The following GPAT3 variants were observed in gnomAD, a reference collection of about 807,000 sequenced individuals.
The protein encoded by GPAT3 is 1-AGP acyltransferase 9.
Under a neutral mutation model 58.8 loss-of-function variants are expected in GPAT3, and 53 were observed. That is an observed-to-expected ratio of 0.90 (90% CI 0.72 to 1.13). The LOEUF is 1.13. GPAT3 is among the 50% of genes most tolerant of loss of function. The pLI is 0.00. For synonymous variants in GPAT3, 197 were observed against 187.4 expected, an observed-to-expected ratio of 1.05 and a Z score of -0.42; for missense variants, 511 against 527.6, an observed-to-expected ratio of 0.97 and a Z score of 0.31.
chr4:83,586,399 A>G (rs17006894), intron 3 of GPAT3, among the ~76,000 whole-genome samples: 5,077 of 152,230 alleles, frequency 0.033, 290 homozygotes, highest in African/African-American at 0.12. Flanking sequence ...CAGTCTGCTT[A>G]TTGAATACCT....
chr4:83,550,533 C>T lies in GPAT3; in HGVS notation c.208+5931C>T, dbSNP rs148983833. ...TTGCCATGCTTGATTCATTTATCAA[C>T]GCTCTCATTTTTTTGGTAAAGTTTT... On this transcript the variant is annotated intron_variant, in intron 2 of 11. Coordinates refer to ENST00000264409, the MANE Select transcript of GPAT3 (RefSeq NM_032717.5). 1.1e-3 allele frequency among the ~76,000 whole-genome samples: 164 copies of T among 152,258 alleles called. 4 individuals carry two copies. The highest frequency in any genetic ancestry group is 9.1e-3 in the Admixed American group (139 of 15,292).
At chr4:83,596,299 T>C (rs1056170329) in intron 7 of GPAT3, among the ~76,000 whole-genome samples, 64 of 152,084 alleles carry the variant, frequency 4.2e-4, no homozygotes, top group African/African-American at 1.5e-3. Context: ...TAATATTCTC[T>C]TTTAAGAATA....
upstream of GPAT3, chr4:83,536,056 G>T (rs1459359311): frequency 1.0e-6 from 1 of 985,300 alleles, no homozygotes; most frequent in African/African-American, 1.7e-5. Flanking sequence ...GACGGAGGAG[G>T]TGGGGCGAGG....
At chr4:83,578,955 TC>T (rs1578185718) in intron 2 of GPAT3, among the ~76,000 whole-genome samples, 9 of 88,812 alleles carry the variant, frequency 1.0e-4, no homozygotes, top group East Asian at 4.0e-4. Flanking sequence ...TTCTTTTCTT[TC>T]TTTCTTTCTT....
intron 2 of GPAT3, among the ~76,000 whole-genome samples, chr4:83,575,353 T>G (rs1725770495): frequency 6.6e-6 from 1 of 152,198 alleles, no homozygotes; most frequent in Non-Finnish European, 1.5e-5. Context: ...AGTCAACATA[T>G]CTCAGGAGAA....
At chr4:83,562,452 G>A (rs1725211185) in intron 2 of GPAT3, among the ~76,000 whole-genome samples, 2 of 151,382 alleles carry the variant, frequency 1.3e-5, no homozygotes, top group Non-Finnish European at 2.9e-5. Context: ...CAGGATGTGT[G>A]TGGGAGAAGT....
At position 83,582,474 on chromosome 4, in the gene GPAT3, C is replaced by T. The variant is rs144321127; in HGVS notation, c.479+642C>T. ...TGTGGAACATGAGTAGAAGGCACTG[C>T]GTGGTGGGATGAAGCTGTAAGTGGC... On this transcript the variant is annotated intron_variant, in intron 3 of 11. Transcript: ENST00000264409. Among the ~76,000 whole-genome samples the T allele has an allele frequency of 5.7e-3, 863 of 152,242 alleles. 9 individuals carry two copies. Among genetic ancestry groups the T allele is most frequent in the African/African-American group, 0.019 (790 of 41,546 alleles).
chr4:83,535,694 T>A (rs1231959622), upstream of GPAT3: 12 of 985,166 alleles, frequency 1.2e-5, no homozygotes, highest in Non-Finnish European at 1.2e-5. Context: ...AGCTTCCTAC[T>A]CTCGGGATAA....
At chr4:83,591,014 T>G (rs764225788) in intron 6 of GPAT3, among the ~76,000 whole-genome samples, 1 of 151,944 alleles carries the variant, frequency 6.6e-6, no homozygotes. Flanking sequence ...TAGTTAAATA[T>G]GCCTTCAGTT....
At chr4:83,583,148 T>C (rs552470649) in intron 3 of GPAT3, among the ~76,000 whole-genome samples, 1 of 151,534 alleles carries the variant, frequency 6.6e-6, no homozygotes, top group African/African-American at 2.4e-5. Context: ...ATACAAAAAT[T>C]AACTGGGCGT....
intron 2 of GPAT3, among the ~76,000 whole-genome samples, chr4:83,576,960 A>T (rs967221811): frequency 6.6e-6 from 1 of 152,216 alleles, no homozygotes; most frequent in Non-Finnish European, 1.5e-5. Flanking sequence ...AAGAGAAAAA[A>T]TACTAATGTT....
In GPAT3 at chr4:83,598,135, G is replaced by A. The variant is rs746093877; in HGVS notation, c.1081G>A (p.Ala361Thr). The stretch of plus-strand genomic sequence containing the variant: ...CCTGCTTCGAATGATGACCAGCTGG[G>A]CCATCGTCTGTGACGTGTGGTACAT... ...SYLLRMMTSW[A>T]IVCDVWYMPP... The change falls in exon 10 of 12, where the codon GCC becomes ACC. Residue 361 changes from alanine (A) to threonine (T), a missense_variant. By Grantham distance (58) the Ala-to-Thr change is moderately conservative. Coordinates refer to ENST00000264409, the MANE Select transcript of GPAT3 (RefSeq NM_032717.5). 1.2e-6 allele frequency: 2 copies of A among 1,613,592 alleles called. No individual in the cohort carries two copies. The highest frequency in any genetic ancestry group is 2.2e-5 in the South Asian group (2 of 91,010).
chr4:83,553,967 A>C (rs1175443164), intron 2 of GPAT3, among the ~76,000 whole-genome samples: 1 of 152,134 alleles, frequency 6.6e-6, no homozygotes, highest in Non-Finnish European at 1.5e-5. Context: ...AGTCCCTTAT[A>C]GTCAACTCAA....
chr4:83,576,525 C>T (rs1234813772), intron 2 of GPAT3, among the ~76,000 whole-genome samples: 1 of 151,814 alleles, frequency 6.6e-6, no homozygotes, highest in Non-Finnish European at 1.5e-5. Context: ...CTCATTGTAA[C>T]CTCTGCTTCC....
chr4:83,600,882 A>G (rs1029539429), intron 11 of GPAT3, among the ~76,000 whole-genome samples: 3 of 152,200 alleles, frequency 2.0e-5, no homozygotes, highest in South Asian at 2.1e-4. Context: ...AGTCCTATAC[A>G]GTTAATAAAC....
chr4:83,572,413 A>C (rs1438606578), intron 2 of GPAT3, among the ~76,000 whole-genome samples: 1 of 152,228 alleles, frequency 6.6e-6, no homozygotes, highest in Non-Finnish European at 1.5e-5. Context: ...AAAGAATAGT[A>C]CAATTAGTCA....
At chr4:83,558,815 TCTGAAGC>T (rs1177316689) in intron 2 of GPAT3, among the ~76,000 whole-genome samples, 2 of 152,150 alleles carry the variant, frequency 1.3e-5, no homozygotes, top group Admixed American at 1.3e-4. Context: ...AAGAGGAAAT[TCTGAAGC>T]CTGAAAAATG....
At chr4:83,547,706 G>A (rs973843685) in intron 2 of GPAT3, among the ~76,000 whole-genome samples, 1 of 151,918 alleles carries the variant, frequency 6.6e-6, no homozygotes, top group Non-Finnish European at 1.5e-5. Context: ...TTATCTTTGT[G>A]GTTAAATAAT....
intron 2 of GPAT3, among the ~76,000 whole-genome samples, chr4:83,578,969 TTTC>T (rs1725941670): frequency 1.5e-5 from 2 of 129,326 alleles, no homozygotes; most frequent in Non-Finnish European, 3.2e-5. Flanking sequence ...TCTTTCTTTC[TTTC>T]TTTCTTTCTT....
Sources: gnomAD v4.1 joint callset for allele counts (sites outside exome capture counted in the v4.1 genomes callset) on GRCh38, gnomAD v4.1.1 for gene constraint, MANE v1.5 for transcripts, NCBI Gene and HGNC (gene_info 2026-07-23, HGNC 2026-07-21) for gene names.